Variants in PARG observed in about 807,000 individuals in gnomAD.
PARG encodes the protein mitochondrial poly(ADP-ribose) glycohydrolase.
PARG carries 35 observed loss-of-function variants against 113.0 expected under a neutral mutation model. That is an observed-to-expected ratio of 0.31 (90% CI 0.24 to 0.41). PARG has a LOEUF of 0.41. PARG is among the 10% of genes least tolerant of loss of function. The pLI is 1.00. For missense variants in PARG, 797 were observed against 1,169.4 expected, an observed-to-expected ratio of 0.68 and a Z score of 4.64; for synonymous variants, 330 against 409.9, an observed-to-expected ratio of 0.81 and a Z score of 2.36.
At chr10:49,906,159 T>TTTTC (rs4012651) in intron 7 of PARG, among the ~76,000 whole-genome samples, 5 of 142,192 alleles carry the variant, frequency 3.5e-5, no homozygotes, top group Admixed American at 7.0e-5. Flanking sequence ...TTTTTTTTTT[T>TTTTC]CCCAGTAGAA....
At position 49,857,420 on chromosome 10, in the gene PARG, C is replaced by T. The variant is rs781816702; in HGVS notation, c.2239G>A (p.Val747Ile). 1.9e-6 allele frequency: 3 copies of T among 1,611,838 alleles called. No homozygotes were observed. Among genetic ancestry groups the T allele is most frequent in the South Asian group, 2.2e-5 (2 of 90,606 alleles). ...TCTTGCACAAGTCCTGCACTGGTTA[C>T]ACCACCTCCAACAAAACGATTTGCA... ...DFANRFVGGG[V>I]TSAGLVQEEI... The change falls in exon 13 of 18, where the codon GTA becomes ATA. Residue 747 changes from valine (V) to isoleucine (I), a missense_variant. Val to Ile is a conservative substitution (Grantham distance 29, BLOSUM62 3). Coordinates refer to ENST00000616448, the MANE Select transcript of PARG (RefSeq NM_003631.5).
At chr10:49,891,655 C>T (rs1265830280) in intron 7 of PARG, among the ~76,000 whole-genome samples, 13 of 97,478 alleles carry the variant, frequency 1.3e-4, no homozygotes, top group African/African-American at 4.9e-4. Context: ...TTTGAGATAG[C>T]GTCTCACTCT....
chr10:49,822,923 G>A (rs1844175833), intron 16 of PARG, among the ~76,000 whole-genome samples: 1 of 152,086 alleles, frequency 6.6e-6, no homozygotes, highest in African/African-American at 2.4e-5. Flanking sequence ...GACAAAAAAA[G>A]GCTGTGGAAA....
In PARG at chr10:49,825,564, T is replaced by C. The variant is rs575923129; in HGVS notation, c.2648-5271A>G. ...TAATACAGGTAAAGAATATATTTAGTACAATTCCTAGAACATAGTATGCAC... is the reference window on the plus strand; with the variant it reads ...TAATACAGGTAAAGAATATATTTAGCACAATTCCTAGAACATAGTATGCAC... On this transcript the variant is annotated intron_variant, in intron 16 of 17. Transcript: ENST00000616448. Among the ~76,000 whole-genome samples the C allele has an allele frequency of 2.0e-5, 3 of 152,340 alleles. No individual in the cohort carries two copies. The South Asian group carries it at 6.2e-4, about 32-fold the overall frequency.
At chr10:49,914,044 T>C (rs1837336515) in intron 7 of PARG, among the ~76,000 whole-genome samples, 1 of 152,198 alleles carries the variant, frequency 6.6e-6, no homozygotes, top group African/African-American at 2.4e-5. Flanking sequence ...TTGCTATATA[T>C]TACCCGTTTC....
chr10:49,918,135 G>C (rs1390325418), intron 6 of PARG, among the ~76,000 whole-genome samples: 2 of 152,198 alleles, frequency 1.3e-5, no homozygotes, highest in African/African-American at 2.4e-5. Context: ...GGAATGGACT[G>C]CAAAGTGGGG....
At chr10:49,829,583 T>A (rs529849525) in intron 16 of PARG, among the ~76,000 whole-genome samples, 17 of 152,170 alleles carry the variant, frequency 1.1e-4, no homozygotes, top group Non-Finnish European at 2.2e-4. Context: ...GGCTCACAAG[T>A]GTAATCACAA....
At chr10:49,840,400 A>C (rs1554832034) in intron 15 of PARG, among the ~76,000 whole-genome samples, 1 of 151,892 alleles carries the variant, frequency 6.6e-6, no homozygotes, top group Non-Finnish European at 1.5e-5. Context: ...CAAAAAAAAA[A>C]AAACAAAAAA....
chr10:49,823,612 T>C (rs1299657822), intron 16 of PARG, among the ~76,000 whole-genome samples: 4 of 152,108 alleles, frequency 2.6e-5, no homozygotes, highest in Admixed American at 6.6e-5. Context: ...TTTCAAAAGG[T>C]TCTTAATTAA....
intron 6 of PARG, among the ~76,000 whole-genome samples, chr10:49,920,538 A>ACG (rs1837787022): frequency 7.0e-6 from 1 of 142,944 alleles, no homozygotes; most frequent in African/African-American, 2.5e-5. Flanking sequence ...ATGTATATAT[A>ACG]TACACATATA....
At chr10:49,921,429 T>A (rs2132891840) in intron 6 of PARG, among the ~76,000 whole-genome samples, 1 of 152,286 alleles carries the variant, frequency 6.6e-6, no homozygotes, top group South Asian at 2.1e-4. Flanking sequence ...TTCTTTTCTT[T>A]TTTTAAAAAA....
intron 9 of PARG, among the ~76,000 whole-genome samples, chr10:49,877,407 A>G (rs1313389869): frequency 6.6e-6 from 1 of 151,864 alleles, no homozygotes; most frequent in Non-Finnish European, 1.5e-5. Context: ...TGCCCACATA[A>G]AGTAAGTTGC....
intron 14 of PARG, among the ~76,000 whole-genome samples, chr10:49,843,178 A>G (rs1397798882): frequency 6.6e-6 from 1 of 152,258 alleles, no homozygotes; most frequent in Non-Finnish European, 1.5e-5. Context: ...CTAATTTCAC[A>G]GAAAAATTAA....
chr10:49,928,894 A>G (rs1554851347), intron 4 of PARG, among the ~76,000 whole-genome samples: 1 of 152,266 alleles, frequency 6.6e-6, no homozygotes, highest in Non-Finnish European at 1.5e-5. Flanking sequence ...TGTTAATTAC[A>G]TTTATATCTT....
At chr10:49,907,749 T>C (rs1836934096) in intron 7 of PARG, among the ~76,000 whole-genome samples, 1 of 152,204 alleles carries the variant, frequency 6.6e-6, no homozygotes, top group Non-Finnish European at 1.5e-5. Flanking sequence ...CATGTTTAAC[T>C]GTGTTAATAA....
At chr10:49,832,776 C>T in intron 16 of PARG, 27 bp downstream of exon 16, 1 of 1,354,408 alleles carries the variant, frequency 7.4e-7, no homozygotes, top group Non-Finnish European at 1.0e-6. Flanking sequence ...GGGCAGAATG[C>T]TTTTATCCTT....
At chr10:49,841,847 A>G (rs1845256057) in intron 15 of PARG, 103 bp downstream of exon 15, 1 of 734,406 alleles carries the variant, frequency 1.4e-6, no homozygotes, top group African/African-American at 1.7e-5. Context: ...GGGCAGACAT[A>G]CTGACACTGC....
At chr10:49,900,212 C>T (rs1356941675) in intron 7 of PARG, among the ~76,000 whole-genome samples, 64 of 151,818 alleles carry the variant, frequency 4.2e-4, no homozygotes, top group Non-Finnish European at 6.3e-4. Context: ...AAAGAGTCCT[C>T]CTGCCAATTC....
intron 7 of PARG, among the ~76,000 whole-genome samples, chr10:49,912,396 G>A (rs1438473751): frequency 1.1e-4 from 16 of 151,522 alleles, no homozygotes; most frequent in Admixed American, 2.6e-4. Context: ...CGAGCGCGGT[G>A]GCTCATGCCT....
Sources: allele counts gnomAD v4.1 joint callset (sites outside exome capture counted in the v4.1 genomes callset), GRCh38; gene constraint gnomAD v4.1.1; transcripts MANE v1.5; gene names NCBI Gene and HGNC (gene_info 2026-07-23, HGNC 2026-07-21).